The following MBOAT2 variants were observed in gnomAD, a reference collection of about 807,000 sequenced individuals.
MBOAT2 encodes the protein membrane bound glycerophospholipid O-acyltransferase 2.
MBOAT2 carries 28 observed loss-of-function variants against 63.4 expected under a neutral mutation model. The observed-to-expected ratio is 0.44, with a 90% CI of 0.33 to 0.61. MBOAT2 has a LOEUF of 0.61. Among genes scored for constraint, MBOAT2 ranks in the 20% least tolerant of loss-of-function variants. The probability of loss-of-function intolerance (pLI) is 0.03; values close to 1 mark genes in which losing one functional copy is unlikely to be tolerated. For synonymous variants in MBOAT2, 211 were observed against 215.6 expected, an observed-to-expected ratio of 0.98 and a Z score of 0.19; for missense variants, 470 against 605.8, an observed-to-expected ratio of 0.78 and a Z score of 2.35.
intron 1 of MBOAT2, among the ~76,000 whole-genome samples, chr2:9,001,127 G>A (rs1465473223): frequency 6.6e-6 from 1 of 152,022 alleles, no homozygotes; most frequent in African/African-American, 2.4e-5. Flanking sequence ...GAGCTGTCAT[G>A]TCCTACAATA....
At chr2:8,967,893 G>C (rs577255673) in intron 1 of MBOAT2, among the ~76,000 whole-genome samples, 1 of 151,920 alleles carries the variant, frequency 6.6e-6, no homozygotes, top group South Asian at 2.1e-4. Flanking sequence ...AAAGTCAAAG[G>C]ACAAACAACA....
At chr2:8,968,003 C>A (rs1373344700) in intron 1 of MBOAT2, among the ~76,000 whole-genome samples, 1 of 152,092 alleles carries the variant, frequency 6.6e-6, no homozygotes, top group Non-Finnish European at 1.5e-5. Context: ...GTGATTTCTG[C>A]ATTTCCAACT....
chr2:8,896,237 TCA>T (rs1664458939), intron 4 of MBOAT2, among the ~76,000 whole-genome samples: 1 of 82,146 alleles, frequency 1.2e-5, no homozygotes. Context: ...AGACTCCGTC[TCA>T]AAAAAAAAAA....
intron 4 of MBOAT2, among the ~76,000 whole-genome samples, chr2:8,906,625 C>T (rs1463603826): frequency 6.6e-6 from 1 of 152,224 alleles, no homozygotes. Context: ...TAGCCTATCC[C>T]TAGATAACAC....
At chr2:8,875,929 T>C (rs1662667703) in intron 7 of MBOAT2, among the ~76,000 whole-genome samples, 1 of 152,246 alleles carries the variant, frequency 6.6e-6, no homozygotes, top group Non-Finnish European at 1.5e-5. Context: ...TACTATCTTT[T>C]GCAAGTGCAG....
intron 7 of MBOAT2, among the ~76,000 whole-genome samples, chr2:8,873,804 C>G (rs1426233038): frequency 6.6e-6 from 1 of 151,972 alleles, no homozygotes; most frequent in Admixed American, 6.5e-5. Context: ...TAATAAAAAC[C>G]AAAAGAGCTA....
rs936105092 is a variant in MBOAT2, at chr2:8,925,565, G to A, written c.300-16849C>T. Among the ~76,000 whole-genome samples the A allele has an allele frequency of 2.6e-5, 4 of 152,326 alleles. No individual in the cohort carries two copies. The South Asian group carries it at 8.3e-4, about 32-fold the overall frequency. ...GAAGAAAAGGTACACTCTCTAGTCT[G>A]CTCTTTGACTGCAGACAGGAGAAAA... is the stretch of plus-strand genomic sequence containing the variant. On this transcript the variant is annotated intron_variant, in intron 3 of 12. Coordinates refer to ENST00000305997, the MANE Select transcript of MBOAT2 (RefSeq NM_138799.4).
intron 5 of MBOAT2, among the ~76,000 whole-genome samples, chr2:8,884,403 A>T (rs1191905206): frequency 1.3e-5 from 2 of 151,958 alleles, no homozygotes; most frequent in African/African-American, 4.8e-5. Context: ...ATCAGGATTT[A>T]AACCCCAAAA....
intron 6 of MBOAT2, among the ~76,000 whole-genome samples, chr2:8,878,461 T>C (rs571499606): frequency 1.3e-5 from 2 of 152,284 alleles, no homozygotes; most frequent in East Asian, 1.9e-4. Flanking sequence ...ATAAGCTCTC[T>C]CCTTAAAAAA....
intron 3 of MBOAT2, among the ~76,000 whole-genome samples, chr2:8,926,019 A>C (rs1666907575): frequency 6.6e-6 from 1 of 152,226 alleles, no homozygotes; most frequent in Non-Finnish European, 1.5e-5. Context: ...TAACTTGGAT[A>C]ATGTGACAAA....
chr2:8,885,794 T>C (rs1663507246), intron 5 of MBOAT2, among the ~76,000 whole-genome samples: 2 of 152,232 alleles, frequency 1.3e-5, no homozygotes, highest in African/African-American at 2.4e-5. Flanking sequence ...TTCCTGAAGA[T>C]GCAAATATGA....
At position 8,908,675 on chromosome 2, in the gene MBOAT2, T is replaced by C; in HGVS notation, c.341A>G (p.Gln114Arg). ...GTCAAAGATATAGACTCGAGTAACTTGGCACACTGTGAGGTATCCCAGAGC... is the reference window on the plus strand; with the variant it reads ...GTCAAAGATATAGACTCGAGTAACTCGGCACACTGTGAGGTATCCCAGAGC... ...VFALGYLTVC[Q>R]VTRVYIFDYG... is the part of the protein sequence containing the mutation. Residue 114 changes from glutamine to arginine, a missense_variant, in exon 4 of 13, where the codon CAA becomes CGA. Transcript: ENST00000305997. 6.2e-7 allele frequency: 1 copy of C among 1,612,358 alleles called. No individual in the cohort carries two copies. Among genetic ancestry groups the C allele is most frequent in the Non-Finnish European group, 8.5e-7 (1 of 1,178,974 alleles).
At chr2:8,911,361 G>A (rs1665696783) in intron 3 of MBOAT2, among the ~76,000 whole-genome samples, 2 of 152,180 alleles carry the variant, frequency 1.3e-5, no homozygotes, top group Non-Finnish European at 2.9e-5. Flanking sequence ...GGATTCATGT[G>A]AACTGTGGGG....
At chr2:8,892,610 TA>T (rs1664085909) in intron 4 of MBOAT2, among the ~76,000 whole-genome samples, 1 of 152,022 alleles carries the variant, frequency 6.6e-6, no homozygotes, top group Non-Finnish European at 1.5e-5. Context: ...TATAAACAAA[TA>T]AACAGGTAAA....
intron 3 of MBOAT2, among the ~76,000 whole-genome samples, chr2:8,920,761 A>G (rs1298842978): frequency 6.6e-6 from 1 of 152,178 alleles, no homozygotes; most frequent in Non-Finnish European, 1.5e-5. Flanking sequence ...TAAGTATTTT[A>G]TTCTTTTTGA....
At chr2:8,870,319 T>C (rs1448638099) in intron 8 of MBOAT2, among the ~76,000 whole-genome samples, 1 of 152,138 alleles carries the variant, frequency 6.6e-6, no homozygotes, top group African/African-American at 2.4e-5. Context: ...AATTAAGGAA[T>C]TAAATATAGT....
intron 8 of MBOAT2, among the ~76,000 whole-genome samples, chr2:8,870,621 G>C (rs954414555): frequency 7.2e-5 from 11 of 152,180 alleles, no homozygotes; most frequent in African/African-American, 2.7e-4. Context: ...GCCTCAGCTG[G>C]CTTCTCCACT....
intron 1 of MBOAT2, among the ~76,000 whole-genome samples, chr2:8,962,996 A>T (rs750386352): frequency 3.0e-4 from 46 of 152,098 alleles, no homozygotes; most frequent in Non-Finnish European, 6.2e-4. Context: ...CAATCCCAAC[A>T]CTTTGGGAGG....
intron 1 of MBOAT2, among the ~76,000 whole-genome samples, chr2:8,964,778 A>G (rs2103292272): frequency 6.6e-6 from 1 of 152,350 alleles, no homozygotes; most frequent in South Asian, 2.1e-4. Context: ...ATTTTTGCCA[A>G]GCTAATAAAT....
Sources: allele counts gnomAD v4.1 joint callset (sites outside exome capture counted in the v4.1 genomes callset), GRCh38; gene constraint gnomAD v4.1.1; transcripts MANE v1.5; gene names NCBI Gene and HGNC (gene_info 2026-07-23, HGNC 2026-07-21).